HOPX: variants seen among roughly 807,000 people sequenced by gnomAD.
HOPX encodes HOP homeobox.
HOPX carries 5 observed loss-of-function variants against 11.8 expected under a neutral mutation model. The ratio of observed to expected loss-of-function variants is 0.43; its 90% CI spans 0.22 to 0.89. The LOEUF (loss-of-function observed/expected upper bound fraction) is 0.89, where lower values mean the gene tolerates loss of function less well. HOPX is among the 40% of genes least tolerant of loss of function. HOPX has a pLI of 0.28. For synonymous variants in HOPX, 49 were observed against 49.7 expected, an observed-to-expected ratio of 0.99 and a Z score of 0.06; for missense variants, 119 against 120.0, an observed-to-expected ratio of 0.99 and a Z score of 0.04.
At chr4:56,650,995 C>T (rs1284172176) in intron 3 of HOPX, 1 of 511,936 alleles carries the variant, frequency 2.0e-6, no homozygotes, top group Non-Finnish European at 3.4e-6. Context: ...TTCAAGGATG[C>T]AAGGTCTGAT....
Position 56,648,658 on chromosome 4 carries a change from A to T in HOPX, c.*62T>A. ...GCTGAAAAACCACAACAGCTTGGTTAAGCGGAGGAGAGAAACAGAGATGGC... is the reference window on the plus strand; with the variant it reads ...GCTGAAAAACCACAACAGCTTGGTTTAGCGGAGGAGAGAAACAGAGATGGC... On this transcript the variant is annotated 3_prime_UTR_variant, in exon 4 of 4. Transcript: ENST00000420433. 1 of 1,248,878 alleles carries T rather than the reference A, an allele frequency of 8.0e-7. No homozygotes were observed. Among genetic ancestry groups the T allele is most frequent in the Non-Finnish European group, 1.2e-6 (1 of 863,424 alleles). 77.4% of individuals were successfully genotyped at this position (1,248,878 alleles called of 1,614,324 possible).
At position 56,648,737 on chromosome 4, in the gene HOPX, T is replaced by G; in HGVS notation, c.259A>C (p.Arg87=). The part of the protein sequence containing the change: ...RRSEGLPSEC[R]SVTD ...CCATCTCCTTAGTCTGTGACGGATC[T>G]GCACTCTGAGGGCAGGCCTTCTGAG... Residue 87 remains arginine, a synonymous_variant, in exon 4 of 4, where the codon AGA becomes CGA. Coordinates refer to ENST00000420433, the MANE Select transcript of HOPX (RefSeq NM_032495.6). The G allele has an allele frequency of 6.2e-7, 1 of 1,610,518 alleles. No homozygotes were observed. The highest frequency in any genetic ancestry group is 1.1e-5 in the South Asian group (1 of 90,854).
chr4:56,670,469 C>T (rs9654332), intron 1 of HOPX, among the ~76,000 whole-genome samples: 20,870 of 152,108 alleles, frequency 0.14, 1,863 homozygotes, highest in African/African-American at 0.25. Flanking sequence ...AAATAGTTTG[C>T]AGAGAGGAAA....
In HOPX at chr4:56,652,519, T is replaced by C. The variant is rs553678320; in HGVS notation, c.198+3338A>G. ...GGAGCAACACTAGTAAGAACAGAGATAGGGGAGGCTGGCTGCGATGGCTCA... is the reference window on the plus strand; with the variant it reads ...GGAGCAACACTAGTAAGAACAGAGACAGGGGAGGCTGGCTGCGATGGCTCA... On this transcript the variant is annotated intron_variant, in intron 3 of 3. Coordinates refer to ENST00000420433, the MANE Select transcript of HOPX (RefSeq NM_032495.6). 5.8e-4 allele frequency among the ~76,000 whole-genome samples: 88 copies of C among 152,056 alleles called. 1 individual carries two copies. The highest frequency in any genetic ancestry group is 1.9e-3 in the African/African-American group (80 of 41,496).
chr4:56,663,160 C>CTCTT (rs1433482373), intron 1 of HOPX: 1 of 152,150 alleles, frequency 6.6e-6, no homozygotes, highest in Non-Finnish European at 1.5e-5. Flanking sequence ...AAAGTCTGAG[C>CTCTT]TCTTAACTTT....
At chr4:56,653,450 T>C (rs750397488) in intron 3 of HOPX, among the ~76,000 whole-genome samples, 3 of 152,078 alleles carry the variant, frequency 2.0e-5, no homozygotes, top group Non-Finnish European at 2.9e-5. Context: ...CCAGTACCCA[T>C]GGGGGTAGTG....
intron 3 of HOPX, among the ~76,000 whole-genome samples, chr4:56,652,336 C>T (rs1055197337): frequency 3.9e-5 from 6 of 152,170 alleles, no homozygotes; most frequent in Admixed American, 2.6e-4. Flanking sequence ...GAGCACTGGG[C>T]AGCTCAGGCT....
chr4:56,665,907 C>G (rs1231270145), intron 1 of HOPX, among the ~76,000 whole-genome samples: 1 of 152,188 alleles, frequency 6.6e-6, no homozygotes, highest in Non-Finnish European at 1.5e-5. Flanking sequence ...ACCATCTTTC[C>G]TCTTTGCACC....
chr4:56,681,435 G>C, upstream of HOPX: 2 of 987,400 alleles, frequency 2.0e-6, no homozygotes, highest in Non-Finnish European at 1.2e-6. Context: ...GTAAACCACT[G>C]AAAGTATGCC....
Position 56,657,911 on chromosome 4 carries a change from A to T in HOPX, c.-83-12T>A. 6.5e-7 allele frequency: 1 copy of T among 1,549,456 alleles called. No individual in the cohort carries two copies. Among genetic ancestry groups the T allele is most frequent in the Middle Eastern group, 1.8e-4 (1 of 5,548 alleles). Reference sequence around the variant, plus strand: ...AGTCTGTCATTAGTCTGGTAGGAAAAATCAGGAGGGCAGTAGTCATAATGC... The same window carrying T: ...AGTCTGTCATTAGTCTGGTAGGAAATATCAGGAGGGCAGTAGTCATAATGC... On this transcript the variant is annotated splice_polypyrimidine_tract_variant and intron_variant, in intron 1 of 3. Transcript: ENST00000420433.
chr4:56,650,465 G>A, intron 3 of HOPX: 3 of 533,586 alleles, frequency 5.6e-6, no homozygotes, highest in Non-Finnish European at 1.0e-5. Flanking sequence ...ATAAGCCCAA[G>A]ATCAGAAGAA....
intron 1 of HOPX, among the ~76,000 whole-genome samples, chr4:56,660,680 G>A (rs188722784): frequency 3.3e-5 from 5 of 152,186 alleles, no homozygotes; most frequent in Non-Finnish European, 4.4e-5. Context: ...TATGAGAGTT[G>A]TTCTCCAAGA....
intron 2 of HOPX, 115 bp from the exon 3 acceptor site, chr4:56,656,127 G>T (rs1324890561): frequency 3.2e-6 from 4 of 1,239,346 alleles, no homozygotes; most frequent in African/African-American, 3.2e-5. Flanking sequence ...GCCCCCTCCA[G>T]CGGTGCCACG....
At position 56,648,680 on chromosome 4, in the gene HOPX, T is replaced by C. The variant is rs748019069; in HGVS notation, c.*40A>G. On this transcript the variant is annotated 3_prime_UTR_variant, in exon 4 of 4. Coordinates refer to ENST00000420433, the MANE Select transcript of HOPX (RefSeq NM_032495.6). ...GTTAAGCGGAGGAGAGAAACAGAGATGGCCTTCATGGAGTGAAGCTGTCAA... is the reference window on the plus strand; with the variant it reads ...GTTAAGCGGAGGAGAGAAACAGAGACGGCCTTCATGGAGTGAAGCTGTCAA... 5 of 1,431,720 alleles carry C rather than the reference T, an allele frequency of 3.5e-6. No individual in the cohort carries two copies. In the African/African-American group the frequency reaches 5.6e-5, roughly 16 times the overall value. The allele number at this position is 1,431,720 out of a possible 1,614,324, so 88.7% of individuals were successfully genotyped here.
Position 56,670,680 on chromosome 4 carries a change from G to T in HOPX, c.-84+10575C>A, listed in dbSNP as rs1718684446. On this transcript the variant is annotated intron_variant, in intron 1 of 3. Coordinates refer to ENST00000420433, the MANE Select transcript of HOPX (RefSeq NM_032495.6). ...GTGCTCAAAAGCTTAAATGATGATA[G>T]AAATCAGTTTGGTAGTTTAAAAAAA... Among the ~76,000 whole-genome samples, 2 of 152,108 alleles carry T rather than the reference G, an allele frequency of 1.3e-5. 1 individual carries two copies. The highest frequency in any genetic ancestry group is 4.8e-5 in the African/African-American group (2 of 41,412).
At position 56,655,929 on chromosome 4, in the gene HOPX, G is replaced by C. The variant is rs1186662161; in HGVS notation, c.126C>G (p.Val42=). The change falls in exon 3 of 4, where the codon GTC becomes GTG. Residue 42 remains valine, a synonymous_variant. Coordinates refer to ENST00000420433, the MANE Select transcript of HOPX (RefSeq NM_032495.6). ...VEILEYNFNK[V]DKHPDSTTLC... is the part of the protein sequence containing the mutation. ...GCGTGGTGGAATCCGGGTGCTTGTC[G>C]ACCTTGTTGAAGTTGTACTCCAGGA... 4 of 1,611,862 alleles carry C rather than the reference G, an allele frequency of 2.5e-6. No homozygotes were observed. The highest frequency in any genetic ancestry group is 1.7e-5 in the Admixed American group (1 of 59,836).
Position 56,656,003 on chromosome 4 carries a change from TCC to T in HOPX, c.50_51del (p.Gly17AspfsTer53). On this transcript the variant is annotated frameshift_variant, in exon 3 of 4. Transcript: ENST00000420433. LOFTEE classifies it high-confidence loss of function. Reference protein sequence around the residue: ...CYRRRLEERAGTMSAETASGP... With the variant: ...CYRRRLEERAXTMSAETASGP... Reference sequence around the variant, plus strand: ...CCGCTCGCGGTCTCCGCCGACATGGTCCCTGCGCGCTGCGGGGCAGGGAGAAG... The same window carrying T: ...CCGCTCGCGGTCTCCGCCGACATGGTCTGCGCGCTGCGGGGCAGGGAGAAG... 6.3e-7 allele frequency: 1 copy of T among 1,593,494 alleles called. No individual in the cohort carries two copies. The highest frequency in any genetic ancestry group is 8.5e-7 in the Non-Finnish European group (1 of 1,170,514).
chr4:56,653,171 G>A (rs1717369072), intron 3 of HOPX, among the ~76,000 whole-genome samples: 1 of 152,074 alleles, frequency 6.6e-6, no homozygotes. Context: ...CAGAGTAGCT[G>A]GGACTACAGG....
At chr4:56,666,289 G>T (rs1056569712) in intron 1 of HOPX, among the ~76,000 whole-genome samples, 1 of 151,886 alleles carries the variant, frequency 6.6e-6, no homozygotes, top group African/African-American at 2.4e-5. Context: ...TAGAAAGGCT[G>T]GCTTCAACCA....
Sources: gnomAD v4.1 joint callset for allele counts (sites outside exome capture counted in the v4.1 genomes callset) on GRCh38, gnomAD v4.1.1 for gene constraint, MANE v1.5 for transcripts, NCBI Gene and HGNC (gene_info 2026-07-23, HGNC 2026-07-21) for gene names.